Variants in NCR2 observed in about 807,000 individuals in gnomAD.
NCR2 encodes the protein NK cell activating receptor (NKp44).
Under a neutral mutation model 30.7 loss-of-function variants are expected in NCR2, and 35 were observed. The observed-to-expected ratio is 1.14, with a 90% CI of 0.87 to 1.51. The LOEUF is 1.51. Among genes scored for constraint, NCR2 ranks in the 40% most tolerant of loss-of-function variants. NCR2 has a pLI of 0.00. For synonymous variants in NCR2, 146 were observed against 134.8 expected (o/e 1.08, Z -0.58); for missense variants, 316 against 328.9 (o/e 0.96, Z 0.30).
chr6:41,350,873 A>ACATTCAGATAATT lies in NCR2; in HGVS notation c.*9_*10insCATTCAGATAATT. The stretch of plus-strand genomic sequence containing the variant: ...ATGAACACACTTTGTGAATAATAAA[A>ACATTCAGATAATT]TTATCTGAATGTTTTATTCCTGTTG... On this transcript the variant is annotated 3_prime_UTR_variant, in exon 5 of 5. Coordinates refer to ENST00000373089, the MANE Select transcript of NCR2 (RefSeq NM_004828.4). 1 of 809,092 alleles carries ACATTCAGATAATT rather than the reference A, an allele frequency of 1.2e-6. No homozygotes were observed. The highest frequency in any genetic ancestry group is 2.2e-6 in the Non-Finnish European group (1 of 458,390). 50.1% of individuals were successfully genotyped at this position (809,092 alleles called of 1,614,324 possible). A position where few individuals can be genotyped will look rare whatever the true frequency, so the allele number is the denominator to read the frequency against.
chr6:41,345,922 C>CG (rs1769288492), intron 4 of NCR2, among the ~76,000 whole-genome samples: 1 of 152,120 alleles, frequency 6.6e-6, no homozygotes, highest in East Asian at 1.9e-4. Flanking sequence ...AGTTCTCTTG[C>CG]GGGGGGAGGG....
intron 4 of NCR2, among the ~76,000 whole-genome samples, chr6:41,349,674 C>T (rs1769384074): frequency 1.3e-5 from 2 of 152,190 alleles, no homozygotes; most frequent in Non-Finnish European, 2.9e-5. Context: ...CCCAGCTCCA[C>T]AGAGACCAGA....
chr6:41,339,460 A>G (rs1287947165), intron 2 of NCR2, among the ~76,000 whole-genome samples: 1 of 148,388 alleles, frequency 6.7e-6, no homozygotes. Context: ...ATCTCGGCTC[A>G]CTGCAAGCTC....
intron 2 of NCR2, 95 bp downstream of exon 2, chr6:41,336,523 GC>G (rs1201867044): frequency 2.0e-6 from 2 of 1,023,614 alleles, no homozygotes; most frequent in African/African-American, 1.6e-5. Flanking sequence ...AGCCACCCAT[GC>G]CCACGCCCCA....
chr6:41,339,784 G>A (rs570864509), intron 2 of NCR2, among the ~76,000 whole-genome samples: 1 of 152,106 alleles, frequency 6.6e-6, no homozygotes, highest in South Asian at 2.1e-4. Context: ...AGACATTTTG[G>A]GGTACCCGTA....
intron 4 of NCR2, among the ~76,000 whole-genome samples, chr6:41,347,142 G>C (rs1359793229): frequency 6.6e-6 from 1 of 152,184 alleles, no homozygotes; most frequent in African/African-American, 2.4e-5. Flanking sequence ...TTGAGCCTGA[G>C]AGGTGGAGGC....
chr6:41,344,345 C>A (rs1267255544), intron 4 of NCR2, among the ~76,000 whole-genome samples: 1 of 152,214 alleles, frequency 6.6e-6, no homozygotes, highest in Non-Finnish European at 1.5e-5. Context: ...GGCGCCTCAA[C>A]TCGCCACATT....
At chr6:41,346,377 T>C (rs1168955764) in intron 4 of NCR2, among the ~76,000 whole-genome samples, 1 of 151,580 alleles carries the variant, frequency 6.6e-6, no homozygotes, top group African/African-American at 2.4e-5. Flanking sequence ...CCTACCTCAG[T>C]CCTGCTAACC....
At chr6:41,346,375 AGTCCTGCT>A (rs1581665160) in intron 4 of NCR2, among the ~76,000 whole-genome samples, 2 of 150,768 alleles carry the variant, frequency 1.3e-5, no homozygotes, top group East Asian at 3.9e-4. Context: ...CCCCTACCTC[AGTCCTGCT>A]AACCTGATCC....
rs746085277 is a variant in NCR2 at position 41,336,411 on chromosome 6, A to C, written c.377A>C (p.Tyr126Ser). ...TCTGTCTCTAAGTCCGTCAGATTCT[A>C]TCTGGTGGTATCTCCAGGTGAGCTC... Reference protein sequence around the residue: ...DNSVSKSVRFYLVVSPASAST... With the variant: ...DNSVSKSVRFSLVVSPASAST... The change falls in exon 2 of 5, where the codon TAT (tyrosine) becomes TCT (serine). Residue 126 changes from tyrosine (Y) to serine (S), a missense_variant. By Grantham distance (144) the Tyr-to-Ser change is moderately radical (BLOSUM62 -2). Coordinates refer to ENST00000373089, the MANE Select transcript of NCR2 (RefSeq NM_004828.4). The C allele has an allele frequency of 2.2e-5, 35 of 1,613,088 alleles. No individual in the cohort carries two copies. The highest frequency in any genetic ancestry group is 3.0e-5 in the Non-Finnish European group (35 of 1,179,362).
rs537208481 is a variant in NCR2 at position 41,337,579 on chromosome 6, G to A, written c.394+1151G>A. Among the ~76,000 whole-genome samples the A allele has an allele frequency of 5.3e-4, 81 of 152,288 alleles. 1 individual carries two copies. Among genetic ancestry groups the A allele is most frequent in the Admixed American group, 1.8e-3 (28 of 15,306 alleles). The stretch of plus-strand genomic sequence containing the variant: ...CTTTCCTAATCTGAGAACTATTTAT[G>A]ACACCACATCACTTAGGAGATAATG... On this transcript the variant is annotated intron_variant, in intron 2 of 4. Coordinates refer to ENST00000373089, the MANE Select transcript of NCR2 (RefSeq NM_004828.4).
rs75275091 is a variant in NCR2, at chr6:41,348,941, G to T, written c.645-1737G>T. Among the ~76,000 whole-genome samples, 621 of 151,990 alleles carry T rather than the reference G, an allele frequency of 4.1e-3. 4 individuals carry two copies. Among genetic ancestry groups the T allele is most frequent in the African/African-American group, 0.014 (576 of 41,474 alleles). On this transcript the variant is annotated intron_variant, in intron 4 of 4. Coordinates refer to ENST00000373089, the MANE Select transcript of NCR2 (RefSeq NM_004828.4). ...ATACTTCTTAGAAGATCTAATGTTC[G>T]ACTGAAAAATCTATGAAGCACGCAC... is the stretch of plus-strand genomic sequence containing the variant.
chr6:41,347,288 C>A (rs1469344139), intron 4 of NCR2, among the ~76,000 whole-genome samples: 1 of 152,206 alleles, frequency 6.6e-6, no homozygotes, highest in Non-Finnish European at 1.5e-5. Context: ...TATGTCATGA[C>A]CATCAGAATC....
chr6:41,343,155 G>A, intron 4 of NCR2: 1 of 776,224 alleles, frequency 1.3e-6, no homozygotes, highest in Non-Finnish European at 2.1e-6. Flanking sequence ...CTGCAGAGCT[G>A]CAGAACCCAG....
intron 4 of NCR2, among the ~76,000 whole-genome samples, chr6:41,348,613 A>G (rs575430034): frequency 6.6e-6 from 1 of 152,232 alleles, no homozygotes; most frequent in South Asian, 2.1e-4. Flanking sequence ...ATGTCTTCTG[A>G]GCCACCCTTC....
intron 4 of NCR2, among the ~76,000 whole-genome samples, chr6:41,348,984 G>A (rs890404883): frequency 5.3e-5 from 8 of 150,624 alleles, no homozygotes; most frequent in African/African-American, 2.0e-4. Context: ...TTCATGAAAG[G>A]GCCTTTTGCC....
chr6:41,344,443 A>C (rs924327585), intron 4 of NCR2, among the ~76,000 whole-genome samples: 3 of 152,178 alleles, frequency 2.0e-5, no homozygotes, highest in African/African-American at 7.2e-5. Flanking sequence ...TGTTGGACCT[A>C]CCAGACTGAG....
chr6:41,347,579 T>TG (rs1769332734), intron 4 of NCR2, among the ~76,000 whole-genome samples: 1 of 152,254 alleles, frequency 6.6e-6, no homozygotes, highest in African/African-American at 2.4e-5. Context: ...CTCCCACTTC[T>TG]GCCTTCTTGA....
intron 2 of NCR2, among the ~76,000 whole-genome samples, chr6:41,340,343 G>A (rs1769138843): frequency 6.6e-6 from 1 of 151,734 alleles, no homozygotes; most frequent in Non-Finnish European, 1.5e-5. Flanking sequence ...TTGTATTTTA[G>A]TAGAGACGTG....
Sources: allele counts gnomAD v4.1 joint callset (sites outside exome capture counted in the v4.1 genomes callset), GRCh38; gene constraint gnomAD v4.1.1; transcripts MANE v1.5; gene names NCBI Gene and HGNC (gene_info 2026-07-23, HGNC 2026-07-21).